Variants in DENND1A observed in about 807,000 individuals in gnomAD.
The protein encoded by DENND1A is DENN domain-containing protein 1A.
A neutral mutation model predicts 113.7 loss-of-function variants in DENND1A; 51 were observed. That is an observed-to-expected ratio of 0.45 (90% confidence interval 0.36 to 0.57). The LOEUF is 0.57. DENND1A is among the 20% of genes least tolerant of loss of function. The probability of loss-of-function intolerance (pLI) is 0.00; values close to 1 mark genes in which losing one functional copy is unlikely to be tolerated. For synonymous variants in DENND1A, 565 were observed against 570.8 expected, an observed-to-expected ratio of 0.99 and a Z score of 0.14; for missense variants, 1,258 against 1,395.9, an observed-to-expected ratio of 0.90 and a Z score of 1.57.
At chr9:123,386,377 C>G (rs373189928) in intron 22 of DENND1A, among the ~76,000 whole-genome samples, 1 of 72,758 alleles carries the variant, frequency 1.4e-5, no homozygotes, top group African/African-American at 4.3e-5. Context: ...ACTTTCTTTT[C>G]TTTCTTTTTT....
intron 2 of DENND1A, among the ~76,000 whole-genome samples, chr9:123,862,604 A>G (rs1845202522): frequency 6.6e-6 from 1 of 152,192 alleles, no homozygotes; most frequent in Non-Finnish European, 1.5e-5. Context: ...AAAATGGCTC[A>G]CTTTAAGGTT....
chr9:123,904,913 A>T (rs977395549), intron 1 of DENND1A, among the ~76,000 whole-genome samples: 21 of 152,196 alleles, frequency 1.4e-4, no homozygotes, highest in African/African-American at 4.6e-4. Flanking sequence ...TGTCAGATTC[A>T]CCAAAGTTGA....
chr9:123,557,174 C>T (rs555318914), intron 13 of DENND1A, among the ~76,000 whole-genome samples: 12 of 152,210 alleles, frequency 7.9e-5, no homozygotes, highest in African/African-American at 1.4e-4. Context: ...CTGGCTTTTC[C>T]GGGCTAAGTT....
intron 1 of DENND1A, among the ~76,000 whole-genome samples, chr9:123,909,608 A>G (rs1011394392): frequency 1.3e-5 from 2 of 151,996 alleles, no homozygotes; most frequent in African/African-American, 4.8e-5. Context: ...AGATGGTAAG[A>G]TATTAAGCAC....
At chr9:123,803,046 T>C (rs1834966532) in intron 2 of DENND1A, among the ~76,000 whole-genome samples, 1 of 152,222 alleles carries the variant, frequency 6.6e-6, no homozygotes, top group Non-Finnish European at 1.5e-5. Context: ...TGATTCTCCT[T>C]ACATAGCTTA....
rs1241721929 is a variant in DENND1A at position 123,381,991 on chromosome 9, G to A, written c.2654C>T (p.Thr885Ile). ...GTTGAGTGGTGGCTGTGGGAATGGG[G>A]TGGGTGTCCCTGCAGGGGGGAAGCT... ...QFSFPPAGTP[T>I]PFPQPPLNPF... The change falls in exon 24 of 24, where the codon ACC becomes ATC. Residue 885 changes from threonine to isoleucine, a missense_variant. By Grantham distance (89) the Thr-to-Ile change is moderately conservative. Transcript: ENST00000394215. This position sits in a 1 kb window ranked among gnomAD's most constrained non-coding sequence, Gnocchi z 4.7. 1.6e-5 allele frequency: 23 copies of A among 1,480,042 alleles called. No individual in the cohort carries two copies. The highest frequency in any genetic ancestry group is 2.0e-5 in the Non-Finnish European group (22 of 1,116,104). 91.7% of individuals were successfully genotyped at this position (1,480,042 alleles called of 1,614,324 possible). A position where few individuals can be genotyped will look rare whatever the true frequency, so the allele number is the denominator to read the frequency against.
chr9:123,785,121 C>T (rs577223470), intron 3 of DENND1A, among the ~76,000 whole-genome samples: 4 of 152,006 alleles, frequency 2.6e-5, no homozygotes, highest in Non-Finnish European at 5.9e-5. Flanking sequence ...AAGAGGATTG[C>T]TTGAGGCCAG....
chr9:123,483,200 G>C (rs1021251345), intron 13 of DENND1A, among the ~76,000 whole-genome samples: 2 of 152,158 alleles, frequency 1.3e-5, no homozygotes, highest in Non-Finnish European at 2.9e-5. Flanking sequence ...GCTTTGGAGA[G>C]GCAAGTAGGA....
At chr9:123,698,153 A>G (rs1017565959) in intron 5 of DENND1A, among the ~76,000 whole-genome samples, 3 of 152,210 alleles carry the variant, frequency 2.0e-5, no homozygotes, top group Non-Finnish European at 4.4e-5. Context: ...GAGGACCCTG[A>G]TTCTTCTACA....
intron 10 of DENND1A, among the ~76,000 whole-genome samples, chr9:123,625,595 T>G (rs2061172359): frequency 6.6e-6 from 1 of 152,016 alleles, no homozygotes; most frequent in African/African-American, 2.4e-5. Context: ...AATACAAAAA[T>G]TAGCCAGGCA....
intron 21 of DENND1A, among the ~76,000 whole-genome samples, chr9:123,393,314 C>A (rs1259807294): frequency 6.6e-6 from 1 of 152,198 alleles, no homozygotes; most frequent in African/African-American, 2.4e-5. Flanking sequence ...ATGAGTAAGG[C>A]AGTCCCTGCC....
chr9:123,660,718 C>A (rs1468623768), intron 8 of DENND1A, among the ~76,000 whole-genome samples: 1 of 152,160 alleles, frequency 6.6e-6, no homozygotes, highest in Non-Finnish European at 1.5e-5. Context: ...TCTCCTGATA[C>A]CAGCCTCCCA....
chr9:123,534,781 G>A (rs913535391), intron 13 of DENND1A, among the ~76,000 whole-genome samples: 1 of 152,200 alleles, frequency 6.6e-6, no homozygotes, highest in Non-Finnish European at 1.5e-5. Context: ...TGAAACGTCT[G>A]ATCATATCTT....
intron 21 of DENND1A, among the ~76,000 whole-genome samples, chr9:123,391,206 G>A (rs1335859552): frequency 6.6e-6 from 1 of 152,244 alleles, no homozygotes; most frequent in Non-Finnish European, 1.5e-5. Context: ...GGCTGAGCCA[G>A]GCTGGTTGGG....
intron 2 of DENND1A, among the ~76,000 whole-genome samples, chr9:123,801,798 G>A (rs944758520): frequency 4.6e-5 from 7 of 152,266 alleles, no homozygotes; most frequent in African/African-American, 1.7e-4. Flanking sequence ...TCATATCTGT[G>A]TCTTAAATAT....
At chr9:123,666,962 A>C (rs2063521865) in intron 8 of DENND1A, 64 bp downstream of exon 8, 2 of 1,419,716 alleles carry the variant, frequency 1.4e-6, no homozygotes, top group South Asian at 1.4e-5. Context: ...TTATTTATTC[A>C]AACAAATAGG....
chr9:123,396,105 G>C (rs1424428603), intron 21 of DENND1A, among the ~76,000 whole-genome samples: 1 of 152,220 alleles, frequency 6.6e-6, no homozygotes, highest in Non-Finnish European at 1.5e-5. Flanking sequence ...TGGTTCGTGG[G>C]GGAGGTGTTG....
chr9:123,443,142 G>C lies in DENND1A; in HGVS notation c.1357-2651C>G, dbSNP rs560752013. Among the ~76,000 whole-genome samples, 11 of 152,256 alleles carry C rather than the reference G, an allele frequency of 7.2e-5. No homozygotes were observed. The South Asian group carries it at 1.9e-3, about 26-fold the overall frequency. ...GGGGTAACTTACCCAAAGCCACATA[G>C]TTAGAAGGTGGAATAACCCAGAGCT... On this transcript the variant is annotated intron_variant, in intron 18 of 23. Transcript: ENST00000394215.
At chr9:123,895,213 TGCA>T (rs1850541133) in intron 1 of DENND1A, among the ~76,000 whole-genome samples, 1 of 152,140 alleles carries the variant, frequency 6.6e-6, no homozygotes, top group African/African-American at 2.4e-5. Flanking sequence ...GGACCATAGC[TGCA>T]TGCCACTTGC....
Sources: allele counts gnomAD v4.1 joint callset (sites outside exome capture counted in the v4.1 genomes callset), GRCh38; gene constraint gnomAD v4.1.1; non-coding constraint Gnocchi (gnomAD v3.1); transcripts MANE v1.5; gene names NCBI Gene and HGNC (gene_info 2026-07-23, HGNC 2026-07-21).